DGUOK: variants seen among roughly 807,000 people sequenced by gnomAD.
The protein encoded by DGUOK is deoxyguanosine kinase, mitochondrial.
A neutral mutation model predicts 36.6 loss-of-function variants in DGUOK; 30 were observed. That is an observed-to-expected ratio of 0.82 (90% CI 0.61 to 1.11). The LOEUF is 1.11. Among genes scored for constraint, DGUOK ranks in the 50% most tolerant of loss-of-function variants. DGUOK has a pLI of 0.00. For synonymous variants in DGUOK, 145 were observed against 126.3 expected (o/e 1.15, Z -0.99); for missense variants, 361 against 336.4 (o/e 1.07, Z -0.57).
At chr2:73,930,470 T>C (rs1303915970) in intron 1 of DGUOK, among the ~76,000 whole-genome samples, 1 of 152,176 alleles carries the variant, frequency 6.6e-6, no homozygotes, top group African/African-American at 2.4e-5. Flanking sequence ...TGTACTGTAC[T>C]TTGAGAAACA....
At chr2:73,953,055 C>T (rs1169875738) in intron 4 of DGUOK, among the ~76,000 whole-genome samples, 1 of 152,080 alleles carries the variant, frequency 6.6e-6, no homozygotes, top group Non-Finnish European at 1.5e-5. Flanking sequence ...TGCTTTATAA[C>T]ATCCCACTCT....
intron 4 of DGUOK, among the ~76,000 whole-genome samples, chr2:73,953,639 C>G (rs1682859949): frequency 6.6e-6 from 1 of 151,772 alleles, no homozygotes; most frequent in Non-Finnish European, 1.5e-5. Context: ...GTTCAGAGCC[C>G]TCGTAAATAC....
Position 73,958,180 on chromosome 2 carries a change from C to CTGGT in DGUOK, c.743_746dup (p.Leu250GlyfsTer6), listed in dbSNP as rs771606997. ...TGAGGCTCTGATGAACATTCCAGTGCTGGTGTTGGATGTCAATGATGATTT... is the reference window on the plus strand; with the variant it reads ...TGAGGCTCTGATGAACATTCCAGTGCTGGTTGGTGTTGGATGTCAATGATGATTT... On this transcript the variant is annotated frameshift_variant, in exon 6 of 7. Transcript: ENST00000264093. LOFTEE classifies it high-confidence loss of function. 1 of 1,613,790 alleles carries CTGGT rather than the reference C, an allele frequency of 6.2e-7. No individual in the cohort carries two copies. The highest frequency in any genetic ancestry group is 1.7e-5 in the Admixed American group (1 of 60,008).
At chr2:73,934,334 C>T (rs1288348518) in intron 1 of DGUOK, among the ~76,000 whole-genome samples, 1 of 152,118 alleles carries the variant, frequency 6.6e-6, no homozygotes, top group African/African-American at 2.4e-5. Flanking sequence ...AAGAAAGTAC[C>T]TTCCACCTTT....
rs1683335311 is a variant in DGUOK, at chr2:73,958,861, A to G, written c.*125A>G. Reference sequence around the variant, plus strand: ...CATCCCTGGAGCACTCTGCCGCTCAAGAGCTGGTTTGTTAATTATTGTTAG... The same window carrying G: ...CATCCCTGGAGCACTCTGCCGCTCAGGAGCTGGTTTGTTAATTATTGTTAG... On this transcript the variant is annotated 3_prime_UTR_variant, in exon 7 of 7. Transcript: ENST00000264093. 1 of 803,760 alleles carries G rather than the reference A, an allele frequency of 1.2e-6. No homozygotes were observed. Among genetic ancestry groups the G allele is most frequent in the Non-Finnish European group, 2.2e-6 (1 of 462,852 alleles). 49.8% of individuals were successfully genotyped at this position (803,760 alleles called of 1,614,324 possible).
intron 2 of DGUOK, among the ~76,000 whole-genome samples, chr2:73,939,513 G>A (rs1331870647): frequency 1.3e-5 from 2 of 152,232 alleles, no homozygotes; most frequent in Non-Finnish European, 2.9e-5. Flanking sequence ...ACTATGCCAA[G>A]CACAGTACAT....
chr2:73,942,847 G>A (rs1337608459), intron 2 of DGUOK, among the ~76,000 whole-genome samples: 1 of 152,184 alleles, frequency 6.6e-6, no homozygotes, highest in East Asian at 1.9e-4. Context: ...AGTAGACCGT[G>A]TGGTACACGT....
chr2:73,945,344 T>TC (rs1682221334), intron 2 of DGUOK, among the ~76,000 whole-genome samples: 1 of 151,990 alleles, frequency 6.6e-6, no homozygotes, highest in African/African-American at 2.4e-5. Flanking sequence ...CTCTTCCTTT[T>TC]TGCACTGTGA....
At chr2:73,929,185 A>C (rs28382406) in intron 1 of DGUOK, among the ~76,000 whole-genome samples, 1 of 151,934 alleles carries the variant, frequency 6.6e-6, no homozygotes, top group Non-Finnish European at 1.5e-5. Flanking sequence ...ATTGCATCTC[A>C]CTGCAGCCTG....
intron 1 of DGUOK, among the ~76,000 whole-genome samples, chr2:73,932,081 G>A (rs1014596759): frequency 6.6e-6 from 1 of 152,178 alleles, no homozygotes; most frequent in Non-Finnish European, 1.5e-5. Context: ...ATGTGCCTGA[G>A]GTCAAGAGAG....
intron 4 of DGUOK, among the ~76,000 whole-genome samples, chr2:73,954,495 C>A (rs544635077): frequency 6.6e-6 from 1 of 151,960 alleles, no homozygotes; most frequent in East Asian, 1.9e-4. Flanking sequence ...CATAGGGAGA[C>A]CCCATCTCTA....
intron 4 of DGUOK, among the ~76,000 whole-genome samples, chr2:73,954,723 A>C (rs1682962156): frequency 6.6e-6 from 1 of 152,140 alleles, no homozygotes; most frequent in Non-Finnish European, 1.5e-5. Flanking sequence ...TGAGAGGCAT[A>C]GTGAAAAGAC....
chr2:73,956,625 A>G (rs1002636410), intron 4 of DGUOK, among the ~76,000 whole-genome samples: 1 of 152,210 alleles, frequency 6.6e-6, no homozygotes, highest in African/African-American at 2.4e-5. Flanking sequence ...TACCTTATGA[A>G]GGCAGGAATT....
At chr2:73,933,729 G>T (rs1681235392) in intron 1 of DGUOK, among the ~76,000 whole-genome samples, 1 of 152,002 alleles carries the variant, frequency 6.6e-6, no homozygotes, top group Non-Finnish European at 1.5e-5. Context: ...TAAGCTTGGA[G>T]CCTGTATGAT....
intron 1 of DGUOK, among the ~76,000 whole-genome samples, chr2:73,935,612 G>C (rs1399158529): frequency 6.6e-6 from 1 of 152,198 alleles, no homozygotes; most frequent in East Asian, 1.9e-4. Flanking sequence ...ACCTGGCACA[G>C]CTCAGTTCCA....
chr2:73,940,813 A>G lies in DGUOK; in HGVS notation c.255+1791A>G, dbSNP rs1453518221. ...GCCTAGGAGCAATAGGGTGTGTCAT[A>G]TAGCATAGGTGTGTAGCAGGCTATC... On this transcript the variant is annotated intron_variant, in intron 2 of 6. Coordinates refer to ENST00000264093, the MANE Select transcript of DGUOK (RefSeq NM_080916.3). Among the ~76,000 whole-genome samples, 6 of 152,254 alleles carry G rather than the reference A, an allele frequency of 3.9e-5. 1 individual carries two copies. The South Asian group carries it at 8.3e-4, about 21-fold the overall frequency.
intron 1 of DGUOK, among the ~76,000 whole-genome samples, chr2:73,927,275 G>T (rs1425409090): frequency 1.3e-5 from 2 of 152,318 alleles, no homozygotes; most frequent in South Asian, 2.1e-4. Flanking sequence ...ATTTGTTGGG[G>T]CATAAAAGCC....
chr2:73,926,926 C>T lies in DGUOK; in HGVS notation c.16C>T (p.Leu6Phe), dbSNP rs770100935. Reference sequence around the variant, plus strand: ...CGTGGGTGGGATGGCCGCGGGCCGCCTCTTTCTAAGTCGGCTTCGAGCACC... The same window carrying T: ...CGTGGGTGGGATGGCCGCGGGCCGCTTCTTTCTAAGTCGGCTTCGAGCACC... MAAGR[L>F]FLSRLRAPFS... Residue 6 changes from leucine (L) to phenylalanine (F), a missense_variant, in exon 1 of 7, where the codon CTC (leucine) becomes TTC (phenylalanine). Coordinates refer to ENST00000264093, the MANE Select transcript of DGUOK (RefSeq NM_080916.3). 3.1e-6 allele frequency: 5 copies of T among 1,613,568 alleles called. No homozygotes were observed. The highest frequency in any genetic ancestry group is 4.2e-6 in the Non-Finnish European group (5 of 1,180,032).
At chr2:73,940,244 G>A (rs1226670533) in intron 2 of DGUOK, among the ~76,000 whole-genome samples, 1 of 152,088 alleles carries the variant, frequency 6.6e-6, no homozygotes, top group East Asian at 1.9e-4. Context: ...TTTTCCTCCA[G>A]GCTATTCTTT....
Sources: gnomAD v4.1 joint callset for allele counts (sites outside exome capture counted in the v4.1 genomes callset) on GRCh38, gnomAD v4.1.1 for gene constraint, MANE v1.5 for transcripts, NCBI Gene and HGNC (gene_info 2026-07-23, HGNC 2026-07-21) for gene names.